Variants in CDC42SE2 observed in about 807,000 individuals in gnomAD.
The protein encoded by CDC42SE2 is CDC42 small effector 2, also known as CDC42 small effector protein 2.
A neutral mutation model predicts 11.5 loss-of-function variants in CDC42SE2; 3 were observed. The observed-to-expected ratio is 0.26, with a 90% CI of 0.12 to 0.67. The LOEUF is 0.67. Among genes scored for constraint, CDC42SE2 ranks in the 30% least tolerant of loss-of-function variants. The pLI is 0.80. For missense variants in CDC42SE2, 82 were observed against 106.8 expected, an observed-to-expected ratio of 0.77 and a Z score of 1.02; for synonymous variants, 33 against 34.8, an observed-to-expected ratio of 0.95 and a Z score of 0.18.
At chr5:131,337,254 G>C (rs6596017) in intron 2 of CDC42SE2, among the ~76,000 whole-genome samples, 19,057 of 151,964 alleles carry the variant, frequency 0.13, 2,796 homozygotes, top group African/African-American at 0.35. Flanking sequence ...GTTTGCCTGG[G>C]TATCACCAGC....
chr5:131,271,924 C>A (rs1314662150), intron 1 of CDC42SE2, among the ~76,000 whole-genome samples: 1 of 152,160 alleles, frequency 6.6e-6, no homozygotes, highest in African/African-American at 2.4e-5. Context: ...GGAAAACACA[C>A]CCAAGCTGAC....
chr5:131,321,159 A>G (rs1168016033), intron 2 of CDC42SE2, among the ~76,000 whole-genome samples: 3 of 152,210 alleles, frequency 2.0e-5, no homozygotes, highest in African/African-American at 7.2e-5. Flanking sequence ...CATCAGTTTC[A>G]CTTCTTGGAA....
the CDC42SE2 span, among the ~76,000 whole-genome samples, chr5:131,230,360 C>T: frequency 5.3e-5 from 8 of 152,238 alleles, no homozygotes; most frequent in East Asian, 9.7e-4. Context: ...AATTATTAAC[C>T]AATTTTTGAA....
chr5:131,359,056 T>C (rs1749634653), intron 2 of CDC42SE2, among the ~76,000 whole-genome samples, 153 bp from the exon 3 acceptor site: 2 of 152,216 alleles, frequency 1.3e-5, no homozygotes. Flanking sequence ...AAAAAGTTGC[T>C]CAAAAAATAA....
At chr5:131,317,007 A>G (rs1196326624) in intron 2 of CDC42SE2, among the ~76,000 whole-genome samples, 3 of 152,002 alleles carry the variant, frequency 2.0e-5, no homozygotes, top group African/African-American at 7.2e-5. Flanking sequence ...ATTGTATCTG[A>G]CTCTAATACT....
intron 3 of CDC42SE2, 41 bp downstream of exon 3, chr5:131,359,588 T>G (rs747175072): frequency 6.8e-7 from 1 of 1,474,822 alleles, no homozygotes; most frequent in South Asian, 1.1e-5. Flanking sequence ...GGGGTGCTTA[T>G]TAAACTTTCC....
upstream of CDC42SE2, among the ~76,000 whole-genome samples, chr5:131,242,822 T>C (rs1321327531): frequency 8.5e-5 from 13 of 152,194 alleles, no homozygotes; most frequent in African/African-American, 2.9e-4. Flanking sequence ...GGGTAAGTAA[T>C]GGTGCCTGAA....
intron 2 of CDC42SE2, among the ~76,000 whole-genome samples, chr5:131,340,719 C>T (rs904367760): frequency 6.6e-6 from 1 of 150,732 alleles, no homozygotes; most frequent in African/African-American, 2.5e-5. Context: ...GAGTGTCACT[C>T]TGTCATCCAG....
chr5:131,354,571 G>C (rs923761437), intron 2 of CDC42SE2: 1 of 152,160 alleles, frequency 6.6e-6, no homozygotes, highest in Admixed American at 6.5e-5. Context: ...AGAATCATCT[G>C]TGTTGCCTGA....
intron 2 of CDC42SE2, among the ~76,000 whole-genome samples, chr5:131,344,589 CA>C (rs1758794768): frequency 6.6e-6 from 1 of 152,206 alleles, no homozygotes; most frequent in African/African-American, 2.4e-5. Context: ...CATAGCTGAA[CA>C]AAAGGCAGCA....
chr5:131,266,915 A>C (rs1402936381), intron 1 of CDC42SE2, among the ~76,000 whole-genome samples: 1 of 150,848 alleles, frequency 6.6e-6, no homozygotes, highest in Admixed American at 6.6e-5. Flanking sequence ...GATAAAGAAC[A>C]AGTAAATAAG....
At chr5:131,321,894 A>C (rs1758198673) in intron 2 of CDC42SE2, among the ~76,000 whole-genome samples, 1 of 152,228 alleles carries the variant, frequency 6.6e-6, no homozygotes, top group Non-Finnish European at 1.5e-5. Context: ...TGTGTCGCCC[A>C]GGCTGGAGTG....
chr5:131,322,072 G>T (rs946898033), intron 2 of CDC42SE2, among the ~76,000 whole-genome samples: 22 of 151,734 alleles, frequency 1.4e-4, no homozygotes, highest in African/African-American at 5.3e-4. Context: ...GGATGGTCTC[G>T]ATCTCCTGAC....
intron 2 of CDC42SE2, among the ~76,000 whole-genome samples, chr5:131,331,774 A>G (rs1580758487): frequency 6.6e-6 from 1 of 152,194 alleles, no homozygotes; most frequent in African/African-American, 2.4e-5. Flanking sequence ...TTCTTTGACA[A>G]CTGGTTAGTA....
intron 1 of CDC42SE2, among the ~76,000 whole-genome samples, chr5:131,278,861 TGCAACCTCTGCCTCCTAGGTTCA>T (rs1757170756): frequency 1.5e-5 from 2 of 135,812 alleles, no homozygotes; most frequent in African/African-American, 2.8e-5. Context: ...CTTGGCTCAC[TGCAACCTCTGCCTCCTAGGTTCA>T]AGTGATTCTC....
chr5:131,380,197 G>A (rs1322077327), intron 3 of CDC42SE2, among the ~76,000 whole-genome samples: 2 of 152,098 alleles, frequency 1.3e-5, no homozygotes. Flanking sequence ...GTGGATTTTG[G>A]TGTACTCATC....
Position 131,330,095 on chromosome 5 carries a change from G to A in CDC42SE2, c.-286+13951G>A, listed in dbSNP as rs75786634. Among the ~76,000 whole-genome samples, 111 of 152,064 alleles carry A rather than the reference G, an allele frequency of 7.3e-4. 2 individuals carry two copies. The East Asian group carries it at 0.021, about 29-fold the overall frequency. On this transcript the variant is annotated intron_variant, in intron 2 of 4. Transcript: ENST00000505065. ...TCAGCTAATGGTATTCAGCTAATAG[G>A]TGGGCAGGACTGGAGGATTCTAAGC... is the stretch of plus-strand genomic sequence containing the variant.
chr5:131,234,725 C>T, the CDC42SE2 span, among the ~76,000 whole-genome samples: 4,894 of 151,782 alleles, frequency 0.032, 265 homozygotes, highest in African/African-American at 0.11. Flanking sequence ...ATTATGGAGG[C>T]CAAAAAGTTC....
rs747110338 is a variant in CDC42SE2 at position 131,393,216 on chromosome 5, C to T, written c.*2125C>T. 6.6e-6 allele frequency: 1 copy of T among 152,340 alleles called. No homozygotes were observed. Among genetic ancestry groups the T allele is most frequent in the Non-Finnish European group, 1.5e-5 (1 of 68,044 alleles). The allele number at this position is 152,340 out of a possible 1,614,324, so 9.4% of individuals were successfully genotyped here. A position where few individuals can be genotyped will look rare whatever the true frequency, so the allele number is the denominator to read the frequency against. Reference sequence around the variant, plus strand: ...ACTTGGAATAAAGGAACAGGGATCACTTTATCTTCTGCCTTCATTTACCTT... The same window carrying T: ...ACTTGGAATAAAGGAACAGGGATCATTTTATCTTCTGCCTTCATTTACCTT... On this transcript the variant is annotated 3_prime_UTR_variant, in exon 5 of 5. Coordinates refer to ENST00000505065, the MANE Select transcript of CDC42SE2 (RefSeq NM_001375635.1).
Sources: allele counts gnomAD v4.1 joint callset (sites outside exome capture counted in the v4.1 genomes callset), GRCh38; gene constraint gnomAD v4.1.1; transcripts MANE v1.5; gene names NCBI Gene and HGNC (gene_info 2026-07-23, HGNC 2026-07-21).